The following RASEF variants were observed in gnomAD, a reference collection of about 807,000 sequenced individuals.
The protein encoded by RASEF is RAS and EF-hand domain containing.
RASEF carries 68 observed loss-of-function variants against 90.1 expected under a neutral mutation model. That is an observed-to-expected ratio of 0.75 (90% CI 0.62 to 0.92). The LOEUF is 0.92. Ranked by LOEUF, RASEF falls within the 40% of genes least tolerant of loss-of-function variation. RASEF has a pLI of 0.00. For synonymous variants in RASEF, 331 were observed against 345.2 expected, an observed-to-expected ratio of 0.96 and a Z score of 0.46; for missense variants, 949 against 937.2, an observed-to-expected ratio of 1.01 and a Z score of -0.16.
intron 1 of RASEF, among the ~76,000 whole-genome samples, chr9:83,033,001 C>T (rs1358987601): frequency 6.6e-6 from 1 of 152,098 alleles, no homozygotes; most frequent in Non-Finnish European, 1.5e-5. Flanking sequence ...ACACAGTGAT[C>T]CAGTAGGGTG....
intron 9 of RASEF, among the ~76,000 whole-genome samples, chr9:83,002,367 C>T (rs1016830608): frequency 1.3e-5 from 2 of 152,080 alleles, no homozygotes; most frequent in Non-Finnish European, 2.9e-5. Context: ...CTCAATACTG[C>T]TCAATTACAA....
the RASEF span, among the ~76,000 whole-genome samples, chr9:83,197,399 G>A: frequency 5.3e-5 from 8 of 152,314 alleles, no homozygotes; most frequent in Admixed American, 4.6e-4. Context: ...CAAGCTCACT[G>A]AGGCCCTGCT....
chr9:83,127,953 T>C, the RASEF span, among the ~76,000 whole-genome samples: 1 of 152,134 alleles, frequency 6.6e-6, no homozygotes, highest in East Asian at 1.9e-4. Context: ...TATTCTTTGA[T>C]CTAAAGCTCA....
chr9:83,060,360 T>C (rs890087494), intron 1 of RASEF, among the ~76,000 whole-genome samples: 1 of 152,248 alleles, frequency 6.6e-6, no homozygotes, highest in African/African-American at 2.4e-5. Context: ...TGTTGGGCTA[T>C]GTCCACAATA....
At chr9:83,163,370 A>G in the RASEF span, among the ~76,000 whole-genome samples, 1 of 152,236 alleles carries the variant, frequency 6.6e-6, no homozygotes, top group Admixed American at 6.5e-5. Context: ...GACATCACAC[A>G]TAGTTTGAAG....
chr9:83,156,014 C>T, the RASEF span, among the ~76,000 whole-genome samples: 678 of 152,294 alleles, frequency 4.5e-3, 1 homozygote, highest in Non-Finnish European at 7.9e-3. Context: ...TGACTGAAAA[C>T]ATAAGAATAA....
At position 83,048,527 on chromosome 9, in the gene RASEF, G is replaced by C. The variant is rs901884733; in HGVS notation, c.431+13910C>G. The C allele has an allele frequency of 3.1e-6, 3 of 983,530 alleles. No individual in the cohort carries two copies. In the African/African-American group the frequency reaches 5.3e-5, roughly 17 times the overall value. 60.9% of individuals were successfully genotyped at this position (983,530 alleles called of 1,614,324 possible). ...CTCGTGCAGTCCTGGGCATACAGTG[G>C]ATACAAAAAAAAAAGTTTAAGTGAA... On this transcript the variant is annotated intron_variant, in intron 1 of 16. Transcript: ENST00000376447.
At chr9:83,039,470 G>A (rs750987228) in intron 1 of RASEF, among the ~76,000 whole-genome samples, 2 of 152,166 alleles carry the variant, frequency 1.3e-5, no homozygotes, top group Non-Finnish European at 2.9e-5. Flanking sequence ...CTGGATCTGC[G>A]ACAGGCTCAG....
the RASEF span, among the ~76,000 whole-genome samples, chr9:83,195,960 G>A: frequency 1.2e-4 from 19 of 152,232 alleles, no homozygotes; most frequent in Admixed American, 2.6e-4. Flanking sequence ...CCAGCTGGGC[G>A]GCTCCTGGGA....
the RASEF span, among the ~76,000 whole-genome samples, chr9:83,141,570 T>G: frequency 6.6e-6 from 1 of 152,182 alleles, no homozygotes; most frequent in Non-Finnish European, 1.5e-5. Context: ...GAACTTCAAG[T>G]AAAAACTATG....
chr9:83,007,438 G>A lies in RASEF; in HGVS notation c.1027C>T (p.Gln343Ter), dbSNP rs745995669. ...NSLERQIEIL[Q>*]TANRKLHDSN... ...TGAGCATTTGATCTGCGGACTTACT[G>A]GAGTATTTCAATTTGCCTCTCAAGA... Residue 343 changes from glutamine to a stop codon, truncating the protein, a stop_gained and splice_region_variant, in exon 7 of 17, where the codon CAA (glutamine) becomes TAA (stop). Transcript: ENST00000376447. LOFTEE classifies it high-confidence loss of function. The A allele has an allele frequency of 6.2e-6, 10 of 1,603,232 alleles. No individual in the cohort carries two copies. Among genetic ancestry groups the A allele is most frequent in the Non-Finnish European group, 8.5e-6 (10 of 1,170,260 alleles).
At chr9:83,207,363 C>T in the RASEF span, among the ~76,000 whole-genome samples, 1 of 152,176 alleles carries the variant, frequency 6.6e-6, no homozygotes. Flanking sequence ...GGTGTCTGCA[C>T]TAATCTTCAG....
At position 83,063,012 on chromosome 9, in the gene RASEF, GC is replaced by G; in HGVS notation, c.-146del. The G allele has an allele frequency of 1.1e-6, 1 of 871,544 alleles. No homozygotes were observed. Among genetic ancestry groups the G allele is most frequent in the Non-Finnish European group, 1.6e-6 (1 of 622,416 alleles). The allele number at this position is 871,544 out of a possible 1,614,324, so 54.0% of individuals were successfully genotyped here. A position where few individuals can be genotyped will look rare whatever the true frequency, so the allele number is the denominator to read the frequency against. Reference sequence around the variant, plus strand: ...GTTCGGCCACTTGAGGGAACGTCGGGCGGGGCGAGGAACGTCGGGGGTGGCC... The same window carrying G: ...GTTCGGCCACTTGAGGGAACGTCGGGGGGGCGAGGAACGTCGGGGGTGGCC... On this transcript the variant is annotated 5_prime_UTR_variant, in exon 1 of 17. Transcript: ENST00000376447.
chr9:83,018,590 G>A (rs1490258549), intron 3 of RASEF, among the ~76,000 whole-genome samples: 1 of 151,786 alleles, frequency 6.6e-6, no homozygotes, highest in Non-Finnish European at 1.5e-5. Flanking sequence ...GAAATTGAAA[G>A]GCTGATTCTT....
chr9:83,012,013 T>A (rs573387332), intron 5 of RASEF, among the ~76,000 whole-genome samples: 1 of 152,000 alleles, frequency 6.6e-6, no homozygotes, highest in Non-Finnish European at 1.5e-5. Flanking sequence ...ACAGAAGATA[T>A]GTAAATGTTA....
chr9:83,197,528 T>TAA, the RASEF span, among the ~76,000 whole-genome samples: 1 of 151,966 alleles, frequency 6.6e-6, no homozygotes, highest in African/African-American at 2.4e-5. Flanking sequence ...GATGATTTTT[T>TAA]AAAAAAATTT....
At chr9:82,991,388 G>C (rs1488028858) in intron 15 of RASEF, among the ~76,000 whole-genome samples, 1 of 152,158 alleles carries the variant, frequency 6.6e-6, no homozygotes, top group East Asian at 1.9e-4. Flanking sequence ...CACAGCAATT[G>C]CCACAATTAT....
chr9:83,062,916 A>G lies in RASEF; in HGVS notation c.-49T>C. 1 of 1,387,334 alleles carries G rather than the reference A, an allele frequency of 7.2e-7. No individual in the cohort carries two copies. Among genetic ancestry groups the G allele is most frequent in the Non-Finnish European group, 9.2e-7 (1 of 1,082,116 alleles). 85.9% of individuals were successfully genotyped at this position (1,387,334 alleles called of 1,614,324 possible). A position where few individuals can be genotyped will look rare whatever the true frequency, so the allele number is the denominator to read the frequency against. ...AGGGCTCCGGAGCGCCGCGGGGCGC[A>G]GGGCCCTCCCTGGAAGGACGGGGCC... is the stretch of plus-strand genomic sequence containing the variant. On this transcript the variant is annotated 5_prime_UTR_variant, in exon 1 of 17. Coordinates refer to ENST00000376447, the MANE Select transcript of RASEF (RefSeq NM_152573.4).
the RASEF span, among the ~76,000 whole-genome samples, chr9:83,086,406 A>C: frequency 6.6e-6 from 1 of 152,358 alleles, no homozygotes; most frequent in East Asian, 1.9e-4. Context: ...CCTATTCAGC[A>C]AGCCAGAATA....
Sources: gnomAD v4.1 joint callset for allele counts (sites outside exome capture counted in the v4.1 genomes callset) on GRCh38, gnomAD v4.1.1 for gene constraint, MANE v1.5 for transcripts, NCBI Gene and HGNC (gene_info 2026-07-23, HGNC 2026-07-21) for gene names.